The following GALNT2 variants were observed in gnomAD, a reference collection of about 807,000 sequenced individuals.
GALNT2 encodes the protein polypeptide N-acetylgalactosaminyltransferase 2.
A neutral mutation model predicts 81.4 loss-of-function variants in GALNT2; 31 were observed. That is an observed-to-expected ratio of 0.38 (90% CI 0.29 to 0.51). The LOEUF (loss-of-function observed/expected upper bound fraction) is 0.51. GALNT2 is among the 20% of genes least tolerant of loss of function. The probability of loss-of-function intolerance (pLI) is 0.87; values close to 1 mark genes in which losing one functional copy is unlikely to be tolerated. For missense variants in GALNT2, 629 were observed against 765.7 expected (o/e 0.82, Z 2.11); for synonymous variants, 303 against 287.4 (o/e 1.05, Z -0.55).
intron 1 of GALNT2, among the ~76,000 whole-genome samples, chr1:230,085,368 C>T (rs992850014): frequency 2.0e-5 from 3 of 152,160 alleles, no homozygotes; most frequent in Non-Finnish European, 2.9e-5. Flanking sequence ...TACAGATGAG[C>T]GAGGCCCTTT....
At chr1:230,241,726 C>T (rs1290717009) in intron 6 of GALNT2, among the ~76,000 whole-genome samples, 1 of 152,160 alleles carries the variant, frequency 6.6e-6, no homozygotes. Context: ...GGATTACAGG[C>T]GTGAGCCACC....
intron 3 of GALNT2, among the ~76,000 whole-genome samples, chr1:230,218,072 G>A (rs1664442177): frequency 1.3e-5 from 2 of 152,026 alleles, no homozygotes; most frequent in Non-Finnish European, 2.9e-5. Flanking sequence ...GGGTGGGGTG[G>A]GAAATACAAG....
rs374943646 is a variant in GALNT2, at chr1:230,274,559, A to C, written c.1555A>C (p.Arg519=). The change falls in exon 15 of 16, where the codon AGA becomes CGA. Residue 519 remains arginine (R), a synonymous_variant. Coordinates refer to ENST00000366672, the MANE Select transcript of GALNT2 (RefSeq NM_004481.5). The part of the protein sequence containing the change: ...KLQGCRENDS[R]QKWEQIEGNS... ...GCAGGGCTGCCGAGAAAATGACAGC[A>C]GACAGGTACGGCTTGCAGGCACCCG... The C allele has an allele frequency of 2.0e-5, 32 of 1,613,734 alleles. No individual in the cohort carries two copies. Among genetic ancestry groups the C allele is most frequent in the Non-Finnish European group, 2.5e-5 (29 of 1,179,870 alleles).
chr1:230,240,509 T>G (rs1303734420), intron 6 of GALNT2, among the ~76,000 whole-genome samples: 2 of 152,204 alleles, frequency 1.3e-5, no homozygotes, highest in Non-Finnish European at 2.9e-5. Flanking sequence ...GAAGACTCGC[T>G]TGAACATGGG....
chr1:230,157,195 G>A (rs1662284131), intron 1 of GALNT2, among the ~76,000 whole-genome samples: 1 of 152,192 alleles, frequency 6.6e-6, no homozygotes, highest in Non-Finnish European at 1.5e-5. Context: ...TATTGAGTGA[G>A]CATTAATTGA....
rs1403973582 is a variant in GALNT2, at chr1:230,192,106, G to A, written c.221-11031G>A. ...CAGGACTGGCACTGCCACCTGAAAG[G>A]GGGCTGGGCAGCTGAGAACTGCACA... On this transcript the variant is annotated intron_variant, in intron 2 of 15. Coordinates refer to ENST00000366672, the MANE Select transcript of GALNT2 (RefSeq NM_004481.5). Among the ~76,000 whole-genome samples, 3 of 152,232 alleles carry A rather than the reference G, an allele frequency of 2.0e-5. No homozygotes were observed. In the South Asian group the frequency reaches 6.2e-4, roughly 31 times the overall value.
chr1:230,182,725 C>G (rs191145622), intron 2 of GALNT2, among the ~76,000 whole-genome samples: 6 of 152,244 alleles, frequency 3.9e-5, no homozygotes, highest in African/African-American at 1.2e-4. Context: ...CTGAATTAGT[C>G]TATAGATATC....
At chr1:230,083,138 A>T (rs1571940501) in intron 1 of GALNT2, among the ~76,000 whole-genome samples, 1 of 141,330 alleles carries the variant, frequency 7.1e-6, no homozygotes, top group Admixed American at 7.0e-5. Context: ...GGGAGCCTAG[A>T]TGATGGAGCT....
At chr1:230,232,341 T>G (rs1664891400) in intron 3 of GALNT2, among the ~76,000 whole-genome samples, 1 of 152,160 alleles carries the variant, frequency 6.6e-6, no homozygotes. Context: ...GTAGATGAAT[T>G]TTAATAAAAT....
chr1:230,205,540 A>C (rs1013399469), intron 3 of GALNT2, among the ~76,000 whole-genome samples: 4 of 152,188 alleles, frequency 2.6e-5, no homozygotes, highest in African/African-American at 2.4e-5. Context: ...CTCAGTCCTT[A>C]TGCTGTCCTG....
At chr1:230,076,867 C>T (rs544884211) in intron 1 of GALNT2, among the ~76,000 whole-genome samples, 11 of 152,264 alleles carry the variant, frequency 7.2e-5, no homozygotes, top group African/African-American at 2.6e-4. Context: ...GAGGCCTTCA[C>T]ATTCAAGAGT....
At chr1:230,072,549 T>C (rs771023696) in intron 1 of GALNT2, among the ~76,000 whole-genome samples, 2 of 152,172 alleles carry the variant, frequency 1.3e-5, no homozygotes, top group Admixed American at 6.5e-5. Flanking sequence ...TGGCCAAGTC[T>C]ATGCTCCCTG....
chr1:230,127,112 C>A (rs1661209043), intron 1 of GALNT2, among the ~76,000 whole-genome samples: 1 of 152,132 alleles, frequency 6.6e-6, no homozygotes, highest in Non-Finnish European at 1.5e-5. Flanking sequence ...CCCCCCCTCC[C>A]ATTGCTGCCT....
intron 1 of GALNT2, among the ~76,000 whole-genome samples, chr1:230,175,145 T>G (rs865965667): frequency 6.5e-4 from 99 of 152,288 alleles, no homozygotes; most frequent in Non-Finnish European, 1.2e-3. Flanking sequence ...AGACCAGTGG[T>G]GGGTTGAGTG....
At position 230,094,163 on chromosome 1, in the gene GALNT2, A is replaced by ATT. The variant is rs58639878; in HGVS notation, c.126+26783_126+26784dup. Among the ~76,000 whole-genome samples, 849 of 119,306 alleles carry ATT rather than the reference A, an allele frequency of 7.1e-3. 29 individuals are homozygous for ATT. The highest frequency in any genetic ancestry group is 0.02 in the African/African-American group (606 of 30,914). 78.3% of individuals were successfully genotyped at this position (119,306 alleles called of 152,430 possible). A position where few individuals can be genotyped will look rare whatever the true frequency, so the allele number is the denominator to read the frequency against. ...CAGGTGTGTGCCACCATGCTGGCTA[A>ATT]TTTTTTTTTTTTTTTTTTTTTTTTT... On this transcript the variant is annotated intron_variant, in intron 1 of 15. Transcript: ENST00000366672.
At chr1:230,233,627 A>C (rs1295191044) in intron 3 of GALNT2, among the ~76,000 whole-genome samples, 1 of 152,092 alleles carries the variant, frequency 6.6e-6, no homozygotes, top group Non-Finnish European at 1.5e-5. Context: ...AGAAAAAAAA[A>C]CCTACAGAAT....
At chr1:230,064,608 C>T (rs926123315), upstream of GALNT2, among the ~76,000 whole-genome samples, 1 of 152,168 alleles carries the variant, frequency 6.6e-6, no homozygotes, top group Non-Finnish European at 1.5e-5. Flanking sequence ...GCAACCTCTG[C>T]CTCCCGGGTT....
upstream of GALNT2, chr1:230,057,902 G>T (rs1273040153): frequency 5.2e-6 from 2 of 383,786 alleles, no homozygotes; most frequent in African/African-American, 4.2e-5. Flanking sequence ...AAGGGGCATT[G>T]CTGGGGTTAG....
intron 14 of GALNT2, among the ~76,000 whole-genome samples, chr1:230,270,762 G>T (rs1666142455): frequency 6.6e-6 from 1 of 152,202 alleles, no homozygotes; most frequent in Non-Finnish European, 1.5e-5. Context: ...CTGAGCCTTG[G>T]CAGACACACA....
Sources: allele counts gnomAD v4.1 joint callset (sites outside exome capture counted in the v4.1 genomes callset), GRCh38; gene constraint gnomAD v4.1.1; transcripts MANE v1.5; gene names NCBI Gene and HGNC (gene_info 2026-07-23, HGNC 2026-07-21).